ZNF385D: variants seen among roughly 807,000 people sequenced by gnomAD.
The protein encoded by ZNF385D is zinc finger protein 385D, also known as zinc finger protein 659.
ZNF385D carries 15 observed loss-of-function variants against 35.8 expected under a neutral mutation model. The ratio of observed to expected loss-of-function variants is 0.42; its 90% CI spans 0.28 to 0.64. ZNF385D has a LOEUF of 0.64. ZNF385D is among the 30% of genes least tolerant of loss of function. The pLI is 0.23. For missense variants in ZNF385D, 474 were observed against 494.6 expected (o/e 0.96, Z 0.39); for synonymous variants, 212 against 186.8 (o/e 1.13, Z -1.10).
At chr3:22,091,709 C>G (rs903036503) in intron 3 of ZNF385D, among the ~76,000 whole-genome samples, 2 of 152,148 alleles carry the variant, frequency 1.3e-5, no homozygotes, top group African/African-American at 4.8e-5. Context: ...GAAACTGGGT[C>G]CATTTGTGGA....
At chr3:22,320,160 A>G (rs1367782286) in intron 2 of ZNF385D, among the ~76,000 whole-genome samples, 1 of 152,028 alleles carries the variant, frequency 6.6e-6, no homozygotes, top group Non-Finnish European at 1.5e-5. Context: ...AAGGTCTTAG[A>G]GAAAACCCGT....
intron 3 of ZNF385D, among the ~76,000 whole-genome samples, chr3:21,834,970 A>T (rs1695237152): frequency 6.6e-6 from 1 of 152,082 alleles, no homozygotes; most frequent in African/African-American, 2.4e-5. Context: ...TTCTTTATAA[A>T]TTACCCAGTC....
chr3:22,081,505 T>A (rs1287857223), intron 3 of ZNF385D, among the ~76,000 whole-genome samples: 1 of 152,200 alleles, frequency 6.6e-6, no homozygotes, highest in East Asian at 1.9e-4. Context: ...TGAAGCGAGT[T>A]GAGCTAGCCA....
chr3:21,513,297 C>T (rs927496837), intron 3 of ZNF385D, among the ~76,000 whole-genome samples: 2 of 151,994 alleles, frequency 1.3e-5, no homozygotes, highest in African/African-American at 4.8e-5. Context: ...AACCAATTCC[C>T]TCTAACAAGT....
At chr3:21,765,982 T>C (rs564442832) in intron 3 of ZNF385D, among the ~76,000 whole-genome samples, 8 of 152,196 alleles carry the variant, frequency 5.3e-5, no homozygotes, top group Middle Eastern at 3.4e-3. Flanking sequence ...CATGGTCAAG[T>C]ATTGTATACC....
At chr3:22,303,188 T>C (rs1703001702) in intron 2 of ZNF385D, among the ~76,000 whole-genome samples, 2 of 152,156 alleles carry the variant, frequency 1.3e-5, no homozygotes, top group South Asian at 4.1e-4. Flanking sequence ...AGACAAAATA[T>C]CCAGCCTCTC....
At chr3:22,248,006 C>T (rs1699877798) in intron 2 of ZNF385D, among the ~76,000 whole-genome samples, 1 of 152,088 alleles carries the variant, frequency 6.6e-6, no homozygotes. Context: ...AATAAGTTCA[C>T]AAAATACATA....
rs548149012 is a variant in ZNF385D, at chr3:22,302,221, C to T, written c.106+70229G>A. Among the ~76,000 whole-genome samples the T allele has an allele frequency of 4.6e-5, 7 of 152,092 alleles. No individual in the cohort carries two copies. In the South Asian group the frequency reaches 6.2e-4, roughly 14 times the overall value. On this transcript the variant is annotated intron_variant, in intron 2 of 5. Coordinates refer to the ZNF385D transcript ENST00000494108. Reference sequence around the variant, plus strand: ...TCTCTAAACTTTTAAAATAAATTTTCGCTAACCACCAGCTACCTAGGATGG... The same window carrying T: ...TCTCTAAACTTTTAAAATAAATTTTTGCTAACCACCAGCTACCTAGGATGG...
intron 3 of ZNF385D, among the ~76,000 whole-genome samples, chr3:21,903,780 A>C (rs1055097026): frequency 2.0e-5 from 3 of 152,116 alleles, no homozygotes; most frequent in Non-Finnish European, 4.4e-5. Flanking sequence ...TAAAGATTAA[A>C]TATGGCATTC....
intron 2 of ZNF385D, among the ~76,000 whole-genome samples, chr3:21,601,597 T>C (rs1319427280): frequency 6.6e-6 from 1 of 152,170 alleles, no homozygotes; most frequent in Non-Finnish European, 1.5e-5. Flanking sequence ...AGAAGTGAAA[T>C]CATCTAAGGA....
At chr3:21,856,144 A>C (rs1696700595) in intron 3 of ZNF385D, among the ~76,000 whole-genome samples, 1 of 152,060 alleles carries the variant, frequency 6.6e-6, no homozygotes, top group South Asian at 2.1e-4. Flanking sequence ...TATAATCTCC[A>C]AGATAAATTT....
chr3:22,043,576 G>C (rs1698806470), intron 3 of ZNF385D, among the ~76,000 whole-genome samples: 1 of 147,304 alleles, frequency 6.8e-6, no homozygotes, highest in African/African-American at 2.5e-5. Context: ...TAAAGGCTGA[G>C]GATGTACAGT....
chr3:21,905,355 T>C (rs17010048), intron 3 of ZNF385D, among the ~76,000 whole-genome samples: 6,556 of 152,090 alleles, frequency 0.043, 606 homozygotes, highest in Admixed American at 0.21. Flanking sequence ...TACTCAGAGA[T>C]AGCAGCAGAC....
At chr3:21,806,933 C>T (rs1008284307) in intron 3 of ZNF385D, among the ~76,000 whole-genome samples, 2 of 152,302 alleles carry the variant, frequency 1.3e-5, no homozygotes, top group Non-Finnish European at 2.9e-5. Context: ...ATATTTATCT[C>T]CAAACAGAAA....
chr3:22,178,750 T>A (rs1695010964), intron 2 of ZNF385D, among the ~76,000 whole-genome samples: 1 of 152,224 alleles, frequency 6.6e-6, no homozygotes, highest in Non-Finnish European at 1.5e-5. Flanking sequence ...TTATCTTGAA[T>A]TAATTTTTGT....
intron 3 of ZNF385D, among the ~76,000 whole-genome samples, chr3:21,526,503 G>C (rs1240791407): frequency 2.6e-5 from 4 of 152,092 alleles, no homozygotes; most frequent in African/African-American, 7.2e-5. Context: ...TATTGCAAAA[G>C]TGGTGCAAGA....
At chr3:22,278,120 G>C (rs1416672149) in intron 2 of ZNF385D, among the ~76,000 whole-genome samples, 1 of 152,022 alleles carries the variant, frequency 6.6e-6, no homozygotes, top group Non-Finnish European at 1.5e-5. Flanking sequence ...AGTTAGAACA[G>C]AACATGTTTT....
intron 3 of ZNF385D, among the ~76,000 whole-genome samples, chr3:21,811,359 A>G (rs1372149339): frequency 6.6e-6 from 1 of 152,146 alleles, no homozygotes; most frequent in Non-Finnish European, 1.5e-5. Flanking sequence ...GAAATATTCA[A>G]GAGACCAGAA....
intron 3 of ZNF385D, among the ~76,000 whole-genome samples, chr3:21,952,474 G>A (rs1324790501): frequency 1.3e-5 from 2 of 151,460 alleles, no homozygotes; most frequent in Admixed American, 6.6e-5. Context: ...ATTAAAATGT[G>A]AAAAAAAATG....
Sources: allele counts gnomAD v4.1 joint callset (sites outside exome capture counted in the v4.1 genomes callset), GRCh38; gene constraint gnomAD v4.1.1; transcripts MANE v1.5; gene names NCBI Gene and HGNC (gene_info 2026-07-23, HGNC 2026-07-21).